Variants in H2AJ observed in about 807,000 individuals in gnomAD.
H2AJ encodes H2A.J histone, also known as histone H2A.J.
In H2AJ, 3 loss-of-function variants were observed where a neutral mutation model predicts 7.9. The observed-to-expected ratio is 0.38, with a 90% confidence interval of 0.17 to 0.98. The LOEUF is 0.98. Ranked by LOEUF, H2AJ falls within the 50% of genes least tolerant of loss-of-function variation. The pLI is 0.39. For missense variants in H2AJ, 128 were observed against 174.4 expected (o/e 0.73, Z 1.50); for synonymous variants, 98 against 85.7 (o/e 1.14, Z -0.79).
chr12:14,775,448 G>A (rs746009601), downstream of H2AJ: 2 of 471,166 alleles, frequency 4.2e-6, no homozygotes, highest in South Asian at 1.5e-5. Flanking sequence ...ATGGCACGAT[G>A]TCAACTTGAG....
downstream of H2AJ, chr12:14,775,249 G>A (rs2303612): frequency 1.3e-3 from 632 of 482,224 alleles, 10 homozygotes; most frequent in East Asian, 0.034. Flanking sequence ...GAGTCGGTGC[G>A]GTGAGGCCTC....
chr12:14,774,523 G>A lies in H2AJ; in HGVS notation c.53G>A (p.Arg18His), dbSNP rs1949600309. The A allele has an allele frequency of 6.2e-7, 1 of 1,607,112 alleles. No homozygotes were observed. Among genetic ancestry groups the A allele is most frequent in the Non-Finnish European group, 8.5e-7 (1 of 1,177,078 alleles). The stretch of plus-strand genomic sequence containing the variant: ...AAAGTGCGAGCAAAGGCCAAATCCC[G>A]CTCCTCCCGCGCGGGCCTGCAGTTC... ...GGKVRAKAKS[R>H]SSRAGLQFPV... is the part of the protein sequence containing the mutation. The change falls in exon 1 of 1, where the codon CGC (arginine) becomes CAC (histidine). Residue 18 changes from arginine to histidine, a missense_variant. Transcript: ENST00000544848.
chr12:14,774,994 C>T lies in H2AJ; in HGVS notation c.*134C>T. 1 of 1,010,980 alleles carries T rather than the reference C, an allele frequency of 9.9e-7. No homozygotes were observed. The highest frequency in any genetic ancestry group is 1.4e-6 in the Non-Finnish European group (1 of 692,926). 62.6% of individuals were successfully genotyped at this position (1,010,980 alleles called of 1,614,324 possible). A position where few individuals can be genotyped will look rare whatever the true frequency, so the allele number is the denominator to read the frequency against. ...GCGGGGAGGTGGGCGGCGAGGGTCC[C>T]GGCGGGAGCCAATAAAGTTGGTGAA... On this transcript the variant is annotated 3_prime_UTR_variant, in exon 1 of 1. Transcript: ENST00000544848.
chr12:14,775,045 A>T, downstream of H2AJ: 1 of 714,366 alleles, frequency 1.4e-6, no homozygotes, highest in East Asian at 2.8e-5. Flanking sequence ...AGAGCTGTGT[A>T]GTCGCGGGGA....
downstream of H2AJ, chr12:14,775,077 A>AG (rs1247267641): frequency 8.2e-6 from 5 of 611,980 alleles, no homozygotes; most frequent in South Asian, 2.0e-5. Flanking sequence ...GCCCCAGGGG[A>AG]GGGGGGCGAC....
chr12:14,775,986 A>G (rs534089898), downstream of H2AJ: 107 of 167,392 alleles, frequency 6.4e-4, no homozygotes, highest in African/African-American at 2.5e-3. Flanking sequence ...AAAAGTTAAC[A>G]CTAGTAATCA....
At position 14,774,928 on chromosome 12, in the gene H2AJ, T is replaced by C; in HGVS notation, c.*68T>C. ...CCTTTTCATGGTCGTCCCGCAATGCTTTTGAATGTGCTGGATGTCATGGAG... is the reference window on the plus strand; with the variant it reads ...CCTTTTCATGGTCGTCCCGCAATGCCTTTGAATGTGCTGGATGTCATGGAG... On this transcript the variant is annotated 3_prime_UTR_variant, in exon 1 of 1. Coordinates refer to ENST00000544848, the MANE Select transcript of H2AJ (RefSeq NM_177925.5). 1.3e-6 allele frequency: 2 copies of C among 1,537,074 alleles called. No individual in the cohort carries two copies. Among genetic ancestry groups the C allele is most frequent in the Admixed American group, 1.9e-5 (1 of 51,872 alleles).
downstream of H2AJ, chr12:14,776,556 G>A (rs1475284575): frequency 6.0e-6 from 1 of 167,080 alleles, no homozygotes; most frequent in African/African-American, 2.4e-5. Flanking sequence ...TTTGTCATAT[G>A]TAAAAGTCAT....
chr12:14,774,755 C>G lies in H2AJ; in HGVS notation c.285C>G (p.Asn95Lys), dbSNP rs578082996. 2 of 1,614,192 alleles carry G rather than the reference C, an allele frequency of 1.2e-6. No individual in the cohort carries two copies. Among genetic ancestry groups the G allele is most frequent in the South Asian group, 1.1e-5 (1 of 91,084 alleles). Residue 95 changes from asparagine to lysine, a missense_variant, in exon 1 of 1, where the codon AAC becomes AAG. Transcript: ENST00000544848. ...QLAIRNDEEL[N>K]KLLGKVTIAQ... is the part of the protein sequence containing the mutation. ...CCATCCGCAACGACGAGGAGTTAAA[C>G]AAGCTGCTGGGCAAAGTGACCATCG...
chr12:14,774,456 A>G lies in H2AJ; in HGVS notation c.-15A>G, dbSNP rs781754861. The G allele has an allele frequency of 1.3e-6, 2 of 1,541,516 alleles. No homozygotes were observed. The highest frequency in any genetic ancestry group is 4.2e-5 in the Admixed American group (2 of 48,142). On this transcript the variant is annotated 5_prime_UTR_variant, in exon 1 of 1. Transcript: ENST00000544848. ...GGTTTGTCTCCGTCTCTGGAGTTGT[A>G]GGCGAGAGGTGATCATGTCCGGTCG...
At chr12:14,775,082 G>T (rs7969159), downstream of H2AJ, 80,980 of 601,086 alleles carry the variant, frequency 0.13, 6,203 homozygotes, top group South Asian at 0.25. Context: ...AGGGGAGGGG[G>T]GCGACCGGGA....
downstream of H2AJ, chr12:14,775,720 A>T (rs1949630178): frequency 4.1e-6 from 1 of 244,332 alleles, no homozygotes; most frequent in Admixed American, 5.3e-5. Flanking sequence ...TATCATATTC[A>T]CTTTGAGAAT....
Position 14,774,536 on chromosome 12 carries a change from G to A in H2AJ, c.66G>A (p.Ala22=), listed in dbSNP as rs1215083262. The A allele has an allele frequency of 1.2e-6, 2 of 1,609,518 alleles. No individual in the cohort carries two copies. The highest frequency in any genetic ancestry group is 1.7e-5 in the Admixed American group (1 of 58,434). ...AGGCCAAATCCCGCTCCTCCCGCGC[G>A]GGCCTGCAGTTCCCGGTGGGCCGAG... is the stretch of plus-strand genomic sequence containing the variant. ...RAKAKSRSSR[A]GLQFPVGRVH... Residue 22 remains alanine (A), a synonymous_variant, in exon 1 of 1, where the codon GCG becomes GCA. Transcript: ENST00000544848.
downstream of H2AJ, chr12:14,775,158 C>G (rs1056100662): frequency 8.0e-6 from 4 of 498,390 alleles, no homozygotes; most frequent in African/African-American, 7.8e-5. Flanking sequence ...CCGCAGGTCA[C>G]CCTCGAGGCG....
At chr12:14,775,044 T>G, downstream of H2AJ, 1 of 718,562 alleles carries the variant, frequency 1.4e-6, no homozygotes, top group Non-Finnish European at 2.3e-6. Flanking sequence ...GAGAGCTGTG[T>G]AGTCGCGGGG....
rs1277878151 is a variant in H2AJ, at chr12:14,774,897, A to C, written c.*37A>C. 1 of 1,596,678 alleles carries C rather than the reference A, an allele frequency of 6.3e-7. No homozygotes were observed. Among genetic ancestry groups the C allele is most frequent in the East Asian group, 2.2e-5 (1 of 44,766 alleles). On this transcript the variant is annotated 3_prime_UTR_variant, in exon 1 of 1. Transcript: ENST00000544848. ...CCCTCAGGGAGCTGGCTCCCCCAGC[A>C]AAGGCCCTTTTCATGGTCGTCCCGC... is the stretch of plus-strand genomic sequence containing the variant.
chr12:14,774,638 G>A lies in H2AJ; in HGVS notation c.168G>A (p.Leu56=). ...CGCCGGTGTACCTGGCGGCGGTGTT[G>A]GAGTACCTTACGGCGGAGATCCTGG... ...AGAPVYLAAV[L]EYLTAEILEL... The change falls in exon 1 of 1, where the codon TTG becomes TTA. Residue 56 remains leucine (L), a synonymous_variant. Coordinates refer to ENST00000544848, the MANE Select transcript of H2AJ (RefSeq NM_177925.5). 1 of 1,614,150 alleles carries A rather than the reference G, an allele frequency of 6.2e-7. No individual in the cohort carries two copies. Among genetic ancestry groups the A allele is most frequent in the Non-Finnish European group, 8.5e-7 (1 of 1,180,024 alleles).
rs749955339 is a variant in H2AJ, at chr12:14,774,683, G to A, written c.213G>A (p.Ala71=). The stretch of plus-strand genomic sequence containing the variant: ...TCCTGGAGCTGGCTGGCAACGCCGC[G>A]CGTGACAACAAGAAGACCAGGATAA... The part of the protein sequence containing the change: ...AEILELAGNA[A]RDNKKTRIIP... Residue 71 remains alanine (A), a synonymous_variant, in exon 1 of 1, where the codon GCG becomes GCA. Transcript: ENST00000544848. The A allele has an allele frequency of 9.9e-5, 159 of 1,614,094 alleles. No homozygotes were observed. The highest frequency in any genetic ancestry group is 1.3e-4 in the Non-Finnish European group (152 of 1,180,042).
At chr12:14,776,956 T>C (rs1949648851), downstream of H2AJ, 1 of 167,126 alleles carries the variant, frequency 6.0e-6, no homozygotes, top group African/African-American at 2.4e-5. Context: ...ATGAGCAACA[T>C]AGACAAGATA....
Sources: allele counts gnomAD v4.1 joint callset, GRCh38; gene constraint gnomAD v4.1.1; transcripts MANE v1.5; gene names NCBI Gene and HGNC (gene_info 2026-07-23, HGNC 2026-07-21).